CDH13: variants seen among roughly 807,000 people sequenced by gnomAD.
CDH13 encodes cadherin 13.
CDH13 carries 24 observed loss-of-function variants against 63.8 expected under a neutral mutation model. The observed-to-expected ratio is 0.38, with a 90% CI of 0.27 to 0.53. The LOEUF (loss-of-function observed/expected upper bound fraction) is 0.53. Among genes scored for constraint, CDH13 ranks in the 20% least tolerant of loss-of-function variants. The probability of loss-of-function intolerance (pLI) is 0.85; values close to 1 mark genes in which losing one functional copy is unlikely to be tolerated. For missense variants in CDH13, 1,049 were observed against 903.1 expected (o/e 1.16, Z -2.07); for synonymous variants, 503 against 355.3 (o/e 1.42, Z -4.67).
intron 6 of CDH13, among the ~76,000 whole-genome samples, chr16:83,384,061 T>C (rs977144773): frequency 1.3e-5 from 2 of 152,248 alleles, no homozygotes; most frequent in African/African-American, 4.8e-5. Flanking sequence ...CACATATGTC[T>C]ACAACTACTG....
At chr16:83,224,732 C>G (rs887512581) in intron 5 of CDH13, among the ~76,000 whole-genome samples, 2 of 152,198 alleles carry the variant, frequency 1.3e-5, no homozygotes, top group African/African-American at 4.8e-5. Flanking sequence ...CACCTTTAGC[C>G]AGTTACTTCT....
intron 6 of CDH13, among the ~76,000 whole-genome samples, chr16:83,379,101 G>T (rs2091510025): frequency 6.6e-6 from 1 of 151,896 alleles, no homozygotes; most frequent in Admixed American, 6.6e-5. Context: ...TTTACCCCAT[G>T]GGAAGAATAC....
At chr16:83,457,930 A>C (rs1320965111) in intron 6 of CDH13, among the ~76,000 whole-genome samples, 1 of 152,184 alleles carries the variant, frequency 6.6e-6, no homozygotes, top group Non-Finnish European at 1.5e-5. Context: ...GCGTCTGAGA[A>C]CCCTCATCGG....
intron 2 of CDH13, among the ~76,000 whole-genome samples, chr16:83,002,391 G>A (rs935990046): frequency 6.6e-6 from 1 of 152,178 alleles, no homozygotes; most frequent in Admixed American, 6.5e-5. Flanking sequence ...GCAAGGGGTG[G>A]AATCTCCTCT....
intron 5 of CDH13, among the ~76,000 whole-genome samples, chr16:83,254,954 T>C (rs112632812): frequency 0.037 from 63 of 1,680 alleles, 1 homozygote; most frequent in East Asian, 0.056. Context: ...TTTTTCTCTT[T>C]CTTTCTTTCT....
intron 8 of CDH13, among the ~76,000 whole-genome samples, chr16:83,627,988 C>T (rs1000462130): frequency 6.6e-6 from 1 of 152,236 alleles, no homozygotes; most frequent in African/African-American, 2.4e-5. Flanking sequence ...GTTACCATGG[C>T]ATTTGTAAAC....
intron 2 of CDH13, among the ~76,000 whole-genome samples, chr16:82,877,802 T>A (rs948785496): frequency 7.2e-6 from 1 of 138,700 alleles, no homozygotes; most frequent in African/African-American, 2.6e-5. Context: ...ATTCATTTTT[T>A]TTTTTTTAAA....
intron 5 of CDH13, among the ~76,000 whole-genome samples, chr16:83,314,855 C>A (rs921451414): frequency 6.6e-6 from 1 of 152,200 alleles, no homozygotes; most frequent in Non-Finnish European, 1.5e-5. Flanking sequence ...TTATGCACAG[C>A]TCTTTTCCAA....
chr16:82,627,337 C>CTTGT (rs1361611702), intron 1 of CDH13, among the ~76,000 whole-genome samples, 200 bp downstream of exon 1: 21 of 131,182 alleles, frequency 1.6e-4, no homozygotes, highest in African/African-American at 5.1e-4. Context: ...CTCTGGCGTG[C>CTTGT]GTGTGTGTGT....
At chr16:83,431,466 G>T (rs2072106901) in intron 6 of CDH13, among the ~76,000 whole-genome samples, 2 of 151,966 alleles carry the variant, frequency 1.3e-5, no homozygotes, top group South Asian at 4.1e-4. Flanking sequence ...GTCTTTGTAG[G>T]TCATTGTATC....
intron 2 of CDH13, among the ~76,000 whole-genome samples, chr16:82,961,492 A>G (rs17682248): frequency 0.17 from 24,960 of 151,124 alleles, 2,118 homozygotes; most frequent in Middle Eastern, 0.23. Context: ...ACTTCCTGCA[A>G]TTGAACAAAC....
intron 6 of CDH13, among the ~76,000 whole-genome samples, chr16:83,356,644 A>AT (rs1055913002): frequency 6.6e-6 from 1 of 152,258 alleles, no homozygotes; most frequent in East Asian, 1.9e-4. Context: ...ATACAGTAAG[A>AT]TTTTTTTAAA....
chr16:83,225,111 G>T (rs1204132303), intron 5 of CDH13, among the ~76,000 whole-genome samples: 2 of 152,166 alleles, frequency 1.3e-5, no homozygotes, highest in African/African-American at 4.8e-5. Flanking sequence ...CTCGGGGTGG[G>T]TCTCTCCATC....
intron 12 of CDH13, among the ~76,000 whole-genome samples, chr16:83,782,629 G>A (rs558246952): frequency 5.6e-4 from 85 of 151,766 alleles, no homozygotes; most frequent in African/African-American, 1.7e-3. Flanking sequence ...CCAGCTACTC[G>A]GGAGGCTAAG....
intron 8 of CDH13, among the ~76,000 whole-genome samples, chr16:83,624,829 G>T (rs1226904349): frequency 6.6e-6 from 1 of 152,164 alleles, no homozygotes; most frequent in Non-Finnish European, 1.5e-5. Context: ...AATGCCCCCA[G>T]ATCAAAGCTA....
At chr16:83,588,118 G>T (rs1204195124) in intron 7 of CDH13, among the ~76,000 whole-genome samples, 1 of 152,180 alleles carries the variant, frequency 6.6e-6, no homozygotes, top group Non-Finnish European at 1.5e-5. Context: ...AGGTGGAAAA[G>T]AGCCCAGCCC....
chr16:83,109,651 G>T (rs9921422), intron 3 of CDH13, among the ~76,000 whole-genome samples: 15,341 of 152,132 alleles, frequency 0.1, 888 homozygotes, highest in African/African-American at 0.15. Context: ...GAATACATGC[G>T]CAAATTAACA....
At chr16:82,706,170 G>A (rs775585548) in intron 1 of CDH13, among the ~76,000 whole-genome samples, 1 of 148,136 alleles carries the variant, frequency 6.8e-6, no homozygotes, top group Non-Finnish European at 1.5e-5. Context: ...TCCCTTTTTC[G>A]CTCCCTCTTT....
intron 1 of CDH13, among the ~76,000 whole-genome samples, chr16:82,748,454 C>G (rs541279094): frequency 6.6e-6 from 1 of 152,164 alleles, no homozygotes; most frequent in Non-Finnish European, 1.5e-5. Flanking sequence ...TTGGTAGTGT[C>G]ATCAGCAGAA....
Sources: allele counts gnomAD v4.1 joint callset (sites outside exome capture counted in the v4.1 genomes callset), GRCh38; gene constraint gnomAD v4.1.1; transcripts MANE v1.5; gene names NCBI Gene and HGNC (gene_info 2026-07-23, HGNC 2026-07-21).